HNRNPDL: variants seen among roughly 807,000 people sequenced by gnomAD.
The protein encoded by HNRNPDL is heterogeneous nuclear ribonucleoprotein D-like.
Under a neutral mutation model 48.0 loss-of-function variants are expected in HNRNPDL, and 18 were observed. That is an observed-to-expected ratio of 0.38 (90% CI 0.26 to 0.56). The LOEUF is 0.56. Among genes scored for constraint, HNRNPDL ranks in the 20% least tolerant of loss-of-function variants. HNRNPDL has a pLI of 0.77. For missense variants in HNRNPDL, 553 were observed against 540.7 expected (o/e 1.02, Z -0.23); for synonymous variants, 306 against 207.3 (o/e 1.48, Z -4.09).
chr4:82,427,207 G>A lies in HNRNPDL; in HGVS notation c.1004C>T (p.Thr335Met), dbSNP rs765842262. 13 of 1,611,950 alleles carry A rather than the reference G, an allele frequency of 8.1e-6. No individual in the cohort carries two copies. Among genetic ancestry groups the A allele is most frequent in the South Asian group, 3.3e-5 (3 of 91,026 alleles). ...AGTCTCACCTCGGCCACGACCCCTC[G>A]TACCACCTCGTCCACCAGCTGCAGC... ...RGAAAGGRGGTRGRGRGQGQN... is the reference protein window; with the variant it reads ...RGAAAGGRGGMRGRGRGQGQN... Residue 335 changes from threonine to methionine, a missense_variant, in exon 5 of 8, where the codon ACG (threonine) becomes ATG (methionine). Physicochemically the swap from Thr to Met is moderately conservative, Grantham distance 81 (BLOSUM62 -1). This residue lies in a region of HNRNPDL where 174 missense variants were observed against 204.6 expected (regional missense o/e 0.85). Coordinates refer to ENST00000295470, the MANE Select transcript of HNRNPDL (RefSeq NM_031372.4).
At chr4:82,426,016 T>C in intron 7 of HNRNPDL, 21 bp downstream of exon 7, 1 of 1,407,070 alleles carries the variant, frequency 7.1e-7, no homozygotes, top group African/African-American at 1.4e-5. Context: ...TTCTACTGTT[T>C]TCCTGTACTC....
chr4:82,428,692 A>G (rs1044477509), intron 1 of HNRNPDL, among the ~76,000 whole-genome samples: 1 of 152,206 alleles, frequency 6.6e-6, no homozygotes, highest in African/African-American at 2.4e-5. Flanking sequence ...AAATACAGTA[A>G]AGGTTCTGCC....
Position 82,423,874 on chromosome 4 carries a change from A to G in HNRNPDL, c.*1032T>C, listed in dbSNP as rs1721300363. 1 of 152,178 alleles carries G rather than the reference A, an allele frequency of 6.6e-6. No individual in the cohort carries two copies. Among genetic ancestry groups the G allele is most frequent in the African/African-American group, 2.4e-5 (1 of 41,446 alleles). The allele number at this position is 152,178 out of a possible 1,614,324, so 9.4% of individuals were successfully genotyped here. A position where few individuals can be genotyped will look rare whatever the true frequency, so the allele number is the denominator to read the frequency against. On this transcript the variant is annotated 3_prime_UTR_variant, in exon 8 of 8. Coordinates refer to ENST00000295470, the MANE Select transcript of HNRNPDL (RefSeq NM_031372.4). ...TTTCTGAATATGTAAATATTTAACT[A>G]CTTAGTTCATGCACTGTGTCAAAAA...
chr4:82,426,753 C>T (rs918083156), intron 5 of HNRNPDL, 120 bp from the exon 6 acceptor site: 2 of 793,854 alleles, frequency 2.5e-6, no homozygotes, highest in East Asian at 2.5e-5. Flanking sequence ...ATATATATTG[C>T]TATCTGCTTG....
chr4:82,429,387 C>A lies in HNRNPDL; in HGVS notation c.304G>T (p.Ala102Ser). The change falls in exon 1 of 8, where the codon GCT (alanine) becomes TCT (serine). Residue 102 changes from alanine to serine, a missense_variant. By Grantham distance (99) the Ala-to-Ser change is moderately conservative. Around this residue, in one of 4 missense-constraint regions of HNRNPDL, gnomAD observed 327 missense variants for 203.2 expected, o/e 1.61. Coordinates refer to ENST00000295470, the MANE Select transcript of HNRNPDL (RefSeq NM_031372.4). ...SSSIQRSAAA[A>S]AATRTARQHP... ...TGGCGCGCAGTCCGGGTCGCGGCAGCAGCGGCGGCGGAGCGTTGTATGGAG... is the reference window on the plus strand; with the variant it reads ...TGGCGCGCAGTCCGGGTCGCGGCAGAAGCGGCGGCGGAGCGTTGTATGGAG... The A allele has an allele frequency of 1.2e-6, 2 of 1,613,444 alleles. No homozygotes were observed. Among genetic ancestry groups the A allele is most frequent in the Non-Finnish European group, 1.7e-6 (2 of 1,179,808 alleles).
chr4:82,428,151 T>G lies in HNRNPDL; in HGVS notation c.641A>C (p.Asp214Ala). Residue 214 changes from aspartate (D) to alanine (A), a missense_variant, in exon 3 of 8, where the codon GAT becomes GCT. Asp to Ala is a moderately radical substitution (Grantham distance 126, BLOSUM62 -2). Around this residue, in one of 4 missense-constraint regions of HNRNPDL, gnomAD observed 43 missense variants for 104.0 expected, o/e 0.41. Transcript: ENST00000295470. The part of the protein sequence containing the change: ...KVLELKEHKL[D>A]GKLIDPKRAK... ...CCTTTTGGGATCTATCAATTTGCCATCCAGTTTGTGTTCTTTCAGTTCCAA... is the reference window on the plus strand; with the variant it reads ...CCTTTTGGGATCTATCAATTTGCCAGCCAGTTTGTGTTCTTTCAGTTCCAA... 6.2e-7 allele frequency: 1 copy of G among 1,614,172 alleles called. No homozygotes were observed. Among genetic ancestry groups the G allele is most frequent in the Non-Finnish European group, 8.5e-7 (1 of 1,180,014 alleles).
At position 82,429,479 on chromosome 4, in the gene HNRNPDL, C is replaced by G; in HGVS notation, c.212G>C (p.Gly71Ala). 6.3e-7 allele frequency: 1 copy of G among 1,577,370 alleles called. No individual in the cohort carries two copies. The highest frequency in any genetic ancestry group is 8.6e-7 in the Non-Finnish European group (1 of 1,161,518). The change falls in exon 1 of 8, where the codon GGC (glycine) becomes GCC (alanine). Residue 71 changes from glycine (G) to alanine (A), a missense_variant. Coordinates refer to ENST00000295470, the MANE Select transcript of HNRNPDL (RefSeq NM_031372.4). Reference protein sequence around the residue: ...VTAQQPSRLAGGAAIKGGRRR... With the variant: ...VTAQQPSRLAAGAAIKGGRRR... The stretch of plus-strand genomic sequence containing the variant: ...GCGCCCTCCCTTTATAGCCGCCCCG[C>G]CCGCCAATCGGGAGGGCTGCTGGGC...
At chr4:82,428,950 C>A (rs749497945) in intron 1 of HNRNPDL, among the ~76,000 whole-genome samples, 1 of 152,200 alleles carries the variant, frequency 6.6e-6, no homozygotes, top group Non-Finnish European at 1.5e-5. Flanking sequence ...GCAGCTGCAG[C>A]GTGCAGCGCT....
Position 82,427,217 on chromosome 4 carries a change from G to A in HNRNPDL, c.994C>T (p.Arg332Ter). Residue 332 changes from arginine to a stop codon, truncating the protein, a stop_gained, in exon 5 of 8, where the codon CGA (arginine) becomes TGA (stop). Transcript: ENST00000295470. LOFTEE classifies it high-confidence loss of function. ...KGGRGAAAGG[R>*]GGTRGRGRGQ... ...CGGCCACGACCCCTCGTACCACCTC[G>A]TCCACCAGCTGCAGCACCTCTTCCA... The A allele has an allele frequency of 1.2e-6, 2 of 1,613,264 alleles. No individual in the cohort carries two copies. The highest frequency in any genetic ancestry group is 1.7e-6 in the Non-Finnish European group (2 of 1,179,314).
In HNRNPDL at chr4:82,424,017, A is replaced by C. The variant is rs1001001656; in HGVS notation, c.*889T>G. Reference sequence around the variant, plus strand: ...AATCTTGTGGCGGCTCTGAGAAAACACAACTAAATCTTATTTTGCCACTAT... The same window carrying C: ...AATCTTGTGGCGGCTCTGAGAAAACCCAACTAAATCTTATTTTGCCACTAT... On this transcript the variant is annotated 3_prime_UTR_variant, in exon 8 of 8. Coordinates refer to ENST00000295470, the MANE Select transcript of HNRNPDL (RefSeq NM_031372.4). The C allele has an allele frequency of 6.6e-6, 1 of 152,230 alleles. No homozygotes were observed. The highest frequency in any genetic ancestry group is 2.4e-5 in the African/African-American group (1 of 41,446). The allele number at this position is 152,230 out of a possible 1,614,324, so 9.4% of individuals were successfully genotyped here.
chr4:82,424,659 CATGAA>C lies in HNRNPDL; in HGVS notation c.*242_*246del, dbSNP rs1721342860. ...AAGGAAGCATTTATTTGAGGTTTAA[CATGAA>C]ATGATACAAATAAAATGTGTATAAA... On this transcript the variant is annotated 3_prime_UTR_variant, in exon 8 of 8. Transcript: ENST00000295470. 6.6e-6 allele frequency: 1 copy of C among 152,610 alleles called. No individual in the cohort carries two copies. The highest frequency in any genetic ancestry group is 1.5e-5 in the Non-Finnish European group (1 of 68,044). 9.5% of individuals were successfully genotyped at this position (152,610 alleles called of 1,614,324 possible).
intron 3 of HNRNPDL, 104 bp from the exon 4 acceptor site, chr4:82,427,668 A>G (rs564292457): frequency 9.6e-5 from 99 of 1,034,064 alleles, no homozygotes; most frequent in Non-Finnish European, 1.2e-4. Context: ...TGTTATTCTT[A>G]TCGGGTGACT....
chr4:82,428,966 G>A (rs1214871586), intron 1 of HNRNPDL, among the ~76,000 whole-genome samples: 1 of 152,176 alleles, frequency 6.6e-6, no homozygotes, highest in African/African-American at 2.4e-5. Context: ...GCGCTGGGAG[G>A]CCGGCCCCTC....
intron 1 of HNRNPDL, 90 bp from the exon 2 acceptor site, chr4:82,428,536 A>G (rs1353974457): frequency 1.0e-6 from 1 of 1,003,340 alleles, no homozygotes. Context: ...AAACAGGGAC[A>G]TTTACCCCCT....
At position 82,429,830 on chromosome 4, in the gene HNRNPDL, C is replaced by A; in HGVS notation, c.-140G>T. On this transcript the variant is annotated 5_prime_UTR_variant, in exon 1 of 8. Coordinates refer to ENST00000295470, the MANE Select transcript of HNRNPDL (RefSeq NM_031372.4). ...AGCAGAGCCGACGCAGGGCCACAGT[C>A]CCTCTTGCCTTGGGAGCCTTTGTCT... 1.9e-6 allele frequency: 1 copy of A among 536,104 alleles called. No individual in the cohort carries two copies. Among genetic ancestry groups the A allele is most frequent in the African/African-American group, 2.0e-5 (1 of 50,582 alleles). The allele number at this position is 536,104 out of a possible 1,614,324, so 33.2% of individuals were successfully genotyped here. A position where few individuals can be genotyped will look rare whatever the true frequency, so the allele number is the denominator to read the frequency against.
Position 82,424,267 on chromosome 4 carries a change from A to G in HNRNPDL, c.*639T>C, listed in dbSNP as rs1359489158. ...CAAAAATGGCTTTCCAGAGACAGGAACAAAGTAAAAGGAGCTACTAACAAT... is the reference window on the plus strand; with the variant it reads ...CAAAAATGGCTTTCCAGAGACAGGAGCAAAGTAAAAGGAGCTACTAACAAT... On this transcript the variant is annotated 3_prime_UTR_variant, in exon 8 of 8. Transcript: ENST00000295470. 1 of 152,266 alleles carries G rather than the reference A, an allele frequency of 6.6e-6. No individual in the cohort carries two copies. Among genetic ancestry groups the G allele is most frequent in the African/African-American group, 2.4e-5 (1 of 41,472 alleles). The allele number at this position is 152,266 out of a possible 1,614,324, so 9.4% of individuals were successfully genotyped here.
At position 82,429,401 on chromosome 4, in the gene HNRNPDL, C is replaced by A; in HGVS notation, c.290G>T (p.Arg97Leu). 6.2e-7 allele frequency: 1 copy of A among 1,613,308 alleles called. No homozygotes were observed. Among genetic ancestry groups the A allele is most frequent in the African/African-American group, 1.3e-5 (1 of 74,978 alleles). Residue 97 changes from arginine to leucine, a missense_variant, in exon 1 of 8, where the codon CGC becomes CTC. Arg to Leu is a moderately radical substitution (Grantham distance 102). Coordinates refer to ENST00000295470, the MANE Select transcript of HNRNPDL (RefSeq NM_031372.4). ...RRHFKSSSIQRSAAAAAATRT... is the reference protein window; with the variant it reads ...RRHFKSSSIQLSAAAAAATRT... ...GGTCGCGGCAGCAGCGGCGGCGGAGCGTTGTATGGAGCTGGATTTAAAATG... is the reference window on the plus strand; with the variant it reads ...GGTCGCGGCAGCAGCGGCGGCGGAGAGTTGTATGGAGCTGGATTTAAAATG...
rs1223930846 is a variant in HNRNPDL at position 82,430,026 on chromosome 4, A to G, written c.-336T>C. 6.3e-6 allele frequency: 1 copy of G among 158,016 alleles called. No individual in the cohort carries two copies. The highest frequency in any genetic ancestry group is 2.4e-5 in the African/African-American group (1 of 41,164). 9.8% of individuals were successfully genotyped at this position (158,016 alleles called of 1,614,324 possible). On this transcript the variant is annotated 5_prime_UTR_variant, in exon 1 of 8. Coordinates refer to ENST00000295470, the MANE Select transcript of HNRNPDL (RefSeq NM_031372.4). ...CCCGGCGCTGGCGACTGAGGCGGCG[A>G]GCGCGCTCGCCCGCCGCGCGCACGC...
In HNRNPDL at chr4:82,429,565, G is replaced by T; in HGVS notation, c.126C>A (p.Leu42=). Residue 42 remains leucine (L), a synonymous_variant, in exon 1 of 8, where the codon CTC becomes CTA. Coordinates refer to ENST00000295470, the MANE Select transcript of HNRNPDL (RefSeq NM_031372.4). ...PRPPRQLAPL[L]PSLAPSSARQ... ...GGGCGGAGCTGGGAGCGAGCGAAGG[G>T]AGGAGCGGGGCTAGCTGCCGCGGCG... 1 of 1,428,504 alleles carries T rather than the reference G, an allele frequency of 7.0e-7. No homozygotes were observed. The allele number at this position is 1,428,504 out of a possible 1,614,324, so 88.5% of individuals were successfully genotyped here.
Sources: gnomAD v4.1 joint callset for allele counts (sites outside exome capture counted in the v4.1 genomes callset) on GRCh38, gnomAD v4.1.1 for gene constraint, gnomAD v4.1.1 regional missense constraint, MANE v1.5 for transcripts, NCBI Gene and HGNC (gene_info 2026-07-23, HGNC 2026-07-21) for gene names.